KCNH1: variants seen among roughly 807,000 people sequenced by gnomAD.
KCNH1 encodes the protein voltage-gated delayed rectifier potassium channel KCNH1.
Under a neutral mutation model 69.2 loss-of-function variants are expected in KCNH1, and 27 were observed. The ratio of observed to expected loss-of-function variants is 0.39; its 90% CI spans 0.29 to 0.54. The LOEUF (loss-of-function observed/expected upper bound fraction) is 0.54. Ranked by LOEUF, KCNH1 falls within the 20% of genes least tolerant of loss-of-function variation. KCNH1 has a pLI of 0.68. For synonymous variants in KCNH1, 456 were observed against 487.7 expected (o/e 0.93, Z 0.86); for missense variants, 798 against 1,261.6 (o/e 0.63, Z 5.57).
At chr1:211,084,565 C>T (rs1398968732) in intron 4 of KCNH1, among the ~76,000 whole-genome samples, 1 of 152,204 alleles carries the variant, frequency 6.6e-6, no homozygotes, top group Non-Finnish European at 1.5e-5. Context: ...TCTGGCCTAG[C>T]CCTGATTCTC....
In KCNH1 at chr1:210,681,322, C is replaced by G. The variant is rs1402303069; in HGVS notation, c.*1959G>C. On this transcript the variant is annotated 3_prime_UTR_variant, in exon 11 of 11. Coordinates refer to ENST00000271751, the MANE Select transcript of KCNH1 (RefSeq NM_172362.3). ...AAGTCACAGATAGTTGTGACTCGGC[C>G]TTAGGAAATTAGACTTCCTCTTACT... is the stretch of plus-strand genomic sequence containing the variant. 6.6e-6 allele frequency: 1 copy of G among 152,228 alleles called. No individual in the cohort carries two copies. The highest frequency in any genetic ancestry group is 1.5e-5 in the Non-Finnish European group (1 of 68,056). 9.4% of individuals were successfully genotyped at this position (152,228 alleles called of 1,614,324 possible). A position where few individuals can be genotyped will look rare whatever the true frequency, so the allele number is the denominator to read the frequency against.
Position 210,925,513 on chromosome 1 carries a change from C to G in KCNH1, c.1033-5444G>C, listed in dbSNP as rs116085572. Reference sequence around the variant, plus strand: ...TGGTCACCTGCTGCCTGGAAATAGACTCGGTGCTGTTGCGGGGGACATGGT... The same window carrying G: ...TGGTCACCTGCTGCCTGGAAATAGAGTCGGTGCTGTTGCGGGGGACATGGT... On this transcript the variant is annotated intron_variant, in intron 6 of 10. Coordinates refer to ENST00000271751, the MANE Select transcript of KCNH1 (RefSeq NM_172362.3). 3.5e-3 allele frequency among the ~76,000 whole-genome samples: 536 copies of G among 152,312 alleles called. 5 individuals are homozygous for G. The highest frequency in any genetic ancestry group is 0.012 in the African/African-American group (511 of 41,560).
At chr1:210,959,419 C>T (rs564908633) in intron 6 of KCNH1, among the ~76,000 whole-genome samples, 10 of 152,292 alleles carry the variant, frequency 6.6e-5, no homozygotes, top group East Asian at 3.9e-4. Context: ...AGAGCTCAAA[C>T]GCCATGCTGG....
At chr1:210,894,519 GAT>G (rs1393500778) in intron 7 of KCNH1, among the ~76,000 whole-genome samples, 1 of 152,146 alleles carries the variant, frequency 6.6e-6, no homozygotes, top group Non-Finnish European at 1.5e-5. Context: ...GCTTGAGGAA[GAT>G]TCTCTGCAGT....
At chr1:210,962,977 C>T (rs1220940997) in intron 6 of KCNH1, among the ~76,000 whole-genome samples, 1 of 151,230 alleles carries the variant, frequency 6.6e-6, no homozygotes, top group Non-Finnish European at 1.5e-5. Flanking sequence ...GATGGCTGCT[C>T]ACGTGTTTTG....
intron 3 of KCNH1, among the ~76,000 whole-genome samples, chr1:211,102,565 G>A (rs941157486): frequency 5.9e-5 from 9 of 152,016 alleles, no homozygotes; most frequent in Non-Finnish European, 1.3e-4. Flanking sequence ...GACCAGTATC[G>A]GCACAGACCA....
chr1:210,769,737 G>C (rs924568526), intron 10 of KCNH1, among the ~76,000 whole-genome samples: 1 of 152,126 alleles, frequency 6.6e-6, no homozygotes, highest in African/African-American at 2.4e-5. Flanking sequence ...ATGATCAGCA[G>C]GAGAACGTAA....
At chr1:211,028,128 G>T (rs1272974241) in intron 5 of KCNH1, among the ~76,000 whole-genome samples, 4 of 152,068 alleles carry the variant, frequency 2.6e-5, no homozygotes, top group African/African-American at 9.7e-5. Flanking sequence ...AAAATCACCA[G>T]AGTGTATTCT....
intron 10 of KCNH1, among the ~76,000 whole-genome samples, chr1:210,685,250 A>G (rs764989625): frequency 2.0e-5 from 3 of 152,202 alleles, no homozygotes; most frequent in Admixed American, 6.5e-5. Context: ...TGAATTCGTG[A>G]GAGGCAACCT....
intron 9 of KCNH1, among the ~76,000 whole-genome samples, chr1:210,786,234 C>A (rs1272143040): frequency 6.6e-6 from 1 of 152,184 alleles, no homozygotes; most frequent in African/African-American, 2.4e-5. Flanking sequence ...ATGAATCATA[C>A]CTCTTTGATT....
At chr1:210,918,670 A>C (rs1687398335) in intron 7 of KCNH1, among the ~76,000 whole-genome samples, 1 of 152,132 alleles carries the variant, frequency 6.6e-6, no homozygotes. Flanking sequence ...TTACTCCAAT[A>C]ACCTATTACT....
At chr1:211,129,521 T>A (rs1369322415) in intron 1 of KCNH1, among the ~76,000 whole-genome samples, 1 of 152,206 alleles carries the variant, frequency 6.6e-6, no homozygotes, top group Non-Finnish European at 1.5e-5. Flanking sequence ...CAATCCCCCA[T>A]CTAACATCAG....
intron 8 of KCNH1, among the ~76,000 whole-genome samples, chr1:210,800,306 T>C (rs1684403260): frequency 6.6e-6 from 1 of 152,238 alleles, no homozygotes; most frequent in Non-Finnish European, 1.5e-5. Flanking sequence ...TTAGGTCCTC[T>C]GCTCTCCAAG....
chr1:210,984,526 G>T (rs183471163), intron 6 of KCNH1, among the ~76,000 whole-genome samples: 88 of 152,214 alleles, frequency 5.8e-4, no homozygotes, highest in African/African-American at 1.9e-3. Context: ...CATCTATTGA[G>T]ATAATCATGT....
intron 6 of KCNH1, among the ~76,000 whole-genome samples, chr1:210,944,740 T>C (rs1336790736): frequency 6.6e-6 from 1 of 152,240 alleles, no homozygotes; most frequent in Non-Finnish European, 1.5e-5. Flanking sequence ...TACTGTATTT[T>C]TTTATTGCAG....
chr1:210,719,077 C>T (rs1042054677), intron 10 of KCNH1, among the ~76,000 whole-genome samples: 4 of 152,114 alleles, frequency 2.6e-5, no homozygotes, highest in South Asian at 2.1e-4. Context: ...GCCATTGCTA[C>T]GTGTGGCCGT....
intron 6 of KCNH1, among the ~76,000 whole-genome samples, chr1:210,994,504 G>T (rs981550312): frequency 6.6e-6 from 1 of 152,216 alleles, no homozygotes; most frequent in African/African-American, 2.4e-5. Context: ...GCCTAAGAGA[G>T]TCTTCAAGGA....
chr1:210,805,313 T>C (rs190782695), intron 7 of KCNH1, among the ~76,000 whole-genome samples: 3 of 152,332 alleles, frequency 2.0e-5, no homozygotes, highest in African/African-American at 7.2e-5. Context: ...TTATTATTGA[T>C]ATATAATAAA....
At chr1:211,002,458 G>C (rs1689207170) in intron 6 of KCNH1, among the ~76,000 whole-genome samples, 1 of 151,392 alleles carries the variant, frequency 6.6e-6, no homozygotes, top group South Asian at 2.1e-4. Flanking sequence ...CACATGAAGA[G>C]ATAAAGCAAT....
Sources: gnomAD v4.1 joint callset for allele counts (sites outside exome capture counted in the v4.1 genomes callset) on GRCh38, gnomAD v4.1.1 for gene constraint, MANE v1.5 for transcripts, NCBI Gene and HGNC (gene_info 2026-07-23, HGNC 2026-07-21) for gene names.